COL13A1: variants seen among roughly 807,000 people sequenced by gnomAD.
The protein encoded by COL13A1 is collagen type XIII alpha 1 chain.
A neutral mutation model predicts 130.9 loss-of-function variants in COL13A1; 89 were observed. That is an observed-to-expected ratio of 0.68 (90% confidence interval 0.57 to 0.81). The LOEUF is 0.81. COL13A1 is among the 30% of genes least tolerant of loss of function. COL13A1 has a pLI of 0.00. For missense variants in COL13A1, 879 were observed against 934.6 expected (o/e 0.94, Z 0.78); for synonymous variants, 402 against 341.6 (o/e 1.18, Z -1.95).
chr10:69,948,842 C>T (rs2068942802), intron 38 of COL13A1, among the ~76,000 whole-genome samples: 1 of 152,080 alleles, frequency 6.6e-6, no homozygotes, highest in Non-Finnish European at 1.5e-5. Flanking sequence ...TGGGGGCTGG[C>T]GGCTCTGATG....
chr10:69,850,492 C>T (rs1215557672), intron 2 of COL13A1, among the ~76,000 whole-genome samples: 3 of 148,706 alleles, frequency 2.0e-5, no homozygotes, highest in Non-Finnish European at 4.5e-5. Context: ...TACCCCATGG[C>T]ACATGTCTAA....
chr10:69,810,928 G>A lies in COL13A1; in HGVS notation c.294+8211G>A, dbSNP rs560222803. Among the ~76,000 whole-genome samples the A allele has an allele frequency of 1.3e-4, 20 of 152,362 alleles. No homozygotes were observed. The South Asian group carries it at 2.9e-3, about 22-fold the overall frequency. On this transcript the variant is annotated intron_variant, in intron 1 of 40. Transcript: ENST00000645393. Reference sequence around the variant, plus strand: ...GGGTGCTCTCCTGGTCCTTCAAAGAGCAAGGGCCAGCCAAGCACAAAGGGG... The same window carrying A: ...GGGTGCTCTCCTGGTCCTTCAAAGAACAAGGGCCAGCCAAGCACAAAGGGG...
At chr10:69,901,498 G>A (rs1211708441) in intron 14 of COL13A1, among the ~76,000 whole-genome samples, 1 of 152,192 alleles carries the variant, frequency 6.6e-6, no homozygotes, top group African/African-American at 2.4e-5. Flanking sequence ...AGACCCCTCA[G>A]GTGTGTCATA....
chr10:69,820,358 C>T (rs952477804), intron 1 of COL13A1, among the ~76,000 whole-genome samples: 6 of 152,214 alleles, frequency 3.9e-5, no homozygotes, highest in South Asian at 2.1e-4. Context: ...GTGACAACTC[C>T]GATGGTTACA....
At chr10:69,821,398 C>T (rs1168591671) in intron 1 of COL13A1, among the ~76,000 whole-genome samples, 1 of 152,192 alleles carries the variant, frequency 6.6e-6, no homozygotes, top group East Asian at 1.9e-4. Flanking sequence ...TGACCTTGGC[C>T]AGGTGCAGTC....
At chr10:69,927,024 T>G in intron 26 of COL13A1, 63 bp from the exon 27 acceptor site, 1 of 1,610,728 alleles carries the variant, frequency 6.2e-7, no homozygotes, top group Non-Finnish European at 8.5e-7. Flanking sequence ...GACTGTGCAG[T>G]GAGAACCTTC....
At chr10:69,929,925 A>T in intron 28 of COL13A1, 118 bp from the exon 29 acceptor site, 1 of 847,774 alleles carries the variant, frequency 1.2e-6, no homozygotes, top group Non-Finnish European at 2.0e-6. Context: ...AGTTAGAATT[A>T]AATGAGCAAA....
At chr10:69,884,770 GA>G (rs1446848341) in intron 7 of COL13A1, among the ~76,000 whole-genome samples, 1 of 152,090 alleles carries the variant, frequency 6.6e-6, no homozygotes, top group Admixed American at 6.5e-5. Flanking sequence ...TATGAGGTTG[GA>G]AATCCAACGA....
intron 30 of COL13A1, chr10:69,931,293 G>A (rs2066088078): frequency 2.2e-6 from 1 of 448,814 alleles, no homozygotes; most frequent in Non-Finnish European, 4.5e-6. Flanking sequence ...GTTGCCTGCA[G>A]GCAGCCACAG....
At chr10:69,898,626 T>C (rs558426207) in intron 13 of COL13A1, 71 bp from the exon 14 acceptor site, 8 of 1,416,406 alleles carry the variant, frequency 5.6e-6, no homozygotes, top group Admixed American at 1.9e-5. Context: ...CTGGTGACTT[T>C]TGGCATCGAT....
In COL13A1 at chr10:69,888,363, G is replaced by A. The variant is rs374999763; in HGVS notation, c.576+33G>A. 50 of 1,608,418 alleles carry A rather than the reference G, an allele frequency of 3.1e-5. 1 individual carries two copies. In the African/African-American group the frequency reaches 5.7e-4, roughly 18 times the overall value. Reference sequence around the variant, plus strand: ...GACCCGCTCTCTCCCCTCACTGCAGGTCAGTGATCCTGGATCTCTTGGTCA... The same window carrying A: ...GACCCGCTCTCTCCCCTCACTGCAGATCAGTGATCCTGGATCTCTTGGTCA... On this transcript the variant is annotated intron_variant, in intron 9 of 40. Transcript: ENST00000645393.
intron 25 of COL13A1, 47 bp from the exon 26 acceptor site, chr10:69,925,757 G>A (rs535787339): frequency 1.1e-4 from 163 of 1,483,868 alleles, no homozygotes; most frequent in Admixed American, 8.9e-4. Context: ...TTGCCCTCCC[G>A]GCCCTCCCGG....
At chr10:69,904,420 G>A (rs534224133) in intron 15 of COL13A1, among the ~76,000 whole-genome samples, 12 of 152,294 alleles carry the variant, frequency 7.9e-5, no homozygotes, top group South Asian at 4.1e-4. Context: ...CCAAGGCTGC[G>A]GTGGAGCCAG....
At chr10:69,876,704 T>C (rs947622631) in intron 5 of COL13A1, among the ~76,000 whole-genome samples, 2 of 152,212 alleles carry the variant, frequency 1.3e-5, no homozygotes, top group Non-Finnish European at 2.9e-5. Context: ...CATGTGGACC[T>C]GAGCCAGTCA....
At chr10:69,914,993 A>G (rs901636065) in intron 17 of COL13A1, among the ~76,000 whole-genome samples, 4 of 152,226 alleles carry the variant, frequency 2.6e-5, no homozygotes, top group Admixed American at 1.3e-4. Flanking sequence ...TCAGCCTGCA[A>G]AGGCTGTTTG....
At chr10:69,926,832 A>G (rs1451264297) in intron 26 of COL13A1, among the ~76,000 whole-genome samples, 1 of 152,082 alleles carries the variant, frequency 6.6e-6, no homozygotes, top group Non-Finnish European at 1.5e-5. Context: ...GCCTGAGTCC[A>G]TTGTAGGACG....
chr10:69,862,841 G>A (rs1416027324), intron 2 of COL13A1, among the ~76,000 whole-genome samples: 1 of 152,186 alleles, frequency 6.6e-6, no homozygotes, highest in Non-Finnish European at 1.5e-5. Flanking sequence ...ATACTTCACT[G>A]GGTCATTGGG....
At chr10:69,882,625 G>A (rs1340644595) in intron 7 of COL13A1, among the ~76,000 whole-genome samples, 1 of 152,182 alleles carries the variant, frequency 6.6e-6, no homozygotes, top group Non-Finnish European at 1.5e-5. Context: ...CTGGAGCTTG[G>A]GTTTGGCCAG....
intron 2 of COL13A1, among the ~76,000 whole-genome samples, chr10:69,826,839 A>T (rs1242020768): frequency 2.0e-5 from 3 of 152,136 alleles, no homozygotes; most frequent in Non-Finnish European, 4.4e-5. Context: ...TCTCTGGCAG[A>T]TGCTTCGGTT....
Sources: allele counts gnomAD v4.1 joint callset (sites outside exome capture counted in the v4.1 genomes callset), GRCh38; gene constraint gnomAD v4.1.1; transcripts MANE v1.5; gene names NCBI Gene and HGNC (gene_info 2026-07-23, HGNC 2026-07-21).